Variants in NUDT9 observed in about 807,000 individuals in gnomAD.
NUDT9 encodes the protein ADP-ribose pyrophosphatase.
Under a neutral mutation model 41.0 loss-of-function variants are expected in NUDT9, and 31 were observed. The observed-to-expected ratio is 0.76, with a 90% CI of 0.57 to 1.02. The LOEUF (loss-of-function observed/expected upper bound fraction) is 1.02, where lower values mean the gene tolerates loss of function less well. NUDT9 is among the 50% of genes least tolerant of loss of function. The probability of loss-of-function intolerance (pLI) is 0.00; values close to 1 mark genes in which losing one functional copy is unlikely to be tolerated. For synonymous variants in NUDT9, 146 were observed against 147.6 expected (o/e 0.99, Z 0.08); for missense variants, 380 against 431.4 (o/e 0.88, Z 1.06).
intron 6 of NUDT9, among the ~76,000 whole-genome samples, chr4:87,454,138 C>T (rs963167004): frequency 2.0e-5 from 3 of 152,152 alleles, no homozygotes; most frequent in Non-Finnish European, 4.4e-5. Flanking sequence ...GCTGCGATTA[C>T]AGGCGTGAGC....
At position 87,438,262 on chromosome 4, in the gene NUDT9, G is replaced by C. The variant is rs188685158; in HGVS notation, c.348-15G>C. ...AATCATTATTTCTTATTTTACATTGGTATTCTCATTACAGTGAAAGTAATT... is the reference window on the plus strand; with the variant it reads ...AATCATTATTTCTTATTTTACATTGCTATTCTCATTACAGTGAAAGTAATT... On this transcript the variant is annotated splice_polypyrimidine_tract_variant and intron_variant, in intron 2 of 7. Transcript: ENST00000302174. 2 of 1,370,920 alleles carry C rather than the reference G, an allele frequency of 1.5e-6. 1 individual carries two copies. Among genetic ancestry groups the C allele is most frequent in the Middle Eastern group, 3.6e-4 (2 of 5,606 alleles). The allele number at this position is 1,370,920 out of a possible 1,614,324, so 84.9% of individuals were successfully genotyped here.
intron 3 of NUDT9, among the ~76,000 whole-genome samples, chr4:87,440,994 A>G (rs1388919672): frequency 1.3e-5 from 2 of 152,150 alleles, no homozygotes; most frequent in South Asian, 2.1e-4. Context: ...TTCTGAGTCT[A>G]GTACAAAAAC....
intron 1 of NUDT9, among the ~76,000 whole-genome samples, chr4:87,428,393 AT>A (rs1721528639): frequency 6.6e-6 from 1 of 152,220 alleles, no homozygotes; most frequent in South Asian, 2.1e-4. Flanking sequence ...ACCCAAATGA[AT>A]TGAAAATTTA....
At chr4:87,448,092 A>T (rs969922354) in intron 4 of NUDT9, among the ~76,000 whole-genome samples, 1 of 151,196 alleles carries the variant, frequency 6.6e-6, no homozygotes, top group African/African-American at 2.4e-5. Context: ...AAACTGGGTC[A>T]TATAATCTGC....
chr4:87,447,525 C>A (rs1722513694), intron 4 of NUDT9, among the ~76,000 whole-genome samples: 1 of 147,656 alleles, frequency 6.8e-6, no homozygotes, highest in African/African-American at 2.5e-5. Flanking sequence ...ATCATTAGGA[C>A]AATTCCTAAA....
intron 4 of NUDT9, among the ~76,000 whole-genome samples, chr4:87,443,242 C>T (rs926501073): frequency 4.7e-5 from 7 of 149,646 alleles, no homozygotes; most frequent in East Asian, 2.1e-4. Flanking sequence ...TTATGTGGCA[C>T]GACTATACAC....
intron 1 of NUDT9, among the ~76,000 whole-genome samples, chr4:87,425,736 T>C (rs1578063195): frequency 6.8e-6 from 1 of 147,772 alleles, no homozygotes; most frequent in Non-Finnish European, 1.5e-5. Context: ...AAAAAAGAAT[T>C]TTACCAGTCT....
rs377120681 is a variant in NUDT9 at position 87,457,879 on chromosome 4, A to G, written c.911A>G (p.Asp304Gly). 1.2e-6 allele frequency: 2 copies of G among 1,611,228 alleles called. No individual in the cohort carries two copies. The highest frequency in any genetic ancestry group is 2.7e-5 in the African/African-American group (2 of 74,562). Residue 304 changes from aspartate (D) to glycine (G), a missense_variant, in exon 8 of 8, where the codon GAT becomes GGT. Transcript: ENST00000302174. Reference sequence around the variant, plus strand: ...GATAATCTTATGCTAGAAGCTGGAGATGATGCTGGAAAAGTGAAATGGGTG... The same window carrying G: ...GATAATCTTATGCTAGAAGCTGGAGGTGATGCTGGAAAAGTGAAATGGGTG... Reference protein sequence around the residue: ...IMDNLMLEAGDDAGKVKWVDI... With the variant: ...IMDNLMLEAGGDAGKVKWVDI...
chr4:87,426,365 G>A (rs558508965), intron 1 of NUDT9, among the ~76,000 whole-genome samples: 14 of 152,036 alleles, frequency 9.2e-5, no homozygotes, highest in African/African-American at 2.7e-4. Flanking sequence ...TCTCAATTGT[G>A]TGACCTTGGT....
In NUDT9 at chr4:87,446,589, G is replaced by A. The variant is rs115692764; in HGVS notation, c.531-2553G>A. Among the ~76,000 whole-genome samples, 1,474 of 152,200 alleles carry A rather than the reference G, an allele frequency of 9.7e-3. 35 individuals carry two copies. The highest frequency in any genetic ancestry group is 0.034 in the African/African-American group (1,410 of 41,534). Reference sequence around the variant, plus strand: ...TCTGCTTGTTCAGTTTAAGTAGATAGTATAGTAATTAAGAACACAGATTCT... The same window carrying A: ...TCTGCTTGTTCAGTTTAAGTAGATAATATAGTAATTAAGAACACAGATTCT... On this transcript the variant is annotated intron_variant, in intron 4 of 7. Transcript: ENST00000302174.
intron 1 of NUDT9, among the ~76,000 whole-genome samples, chr4:87,426,361 T>C (rs927241016): frequency 2.0e-5 from 3 of 152,098 alleles, no homozygotes; most frequent in Non-Finnish European, 4.4e-5. Context: ...CTACTCTCAA[T>C]TGTGTGACCT....
At chr4:87,455,643 T>C (rs890126311) in intron 7 of NUDT9, among the ~76,000 whole-genome samples, 2 of 151,004 alleles carry the variant, frequency 1.3e-5, no homozygotes, top group Non-Finnish European at 2.9e-5. Context: ...CTTTTAGTGC[T>C]TTTTTTTCTT....
At chr4:87,437,539 C>T (rs190122265) in intron 2 of NUDT9, among the ~76,000 whole-genome samples, 1,991 of 147,788 alleles carry the variant, frequency 0.013, 96 homozygotes, top group African/African-American at 0.045. Context: ...AGATGGGGTT[C>T]CACCATGTTA....
intron 5 of NUDT9, among the ~76,000 whole-genome samples, chr4:87,449,857 A>G (rs1400593267): frequency 2.0e-5 from 3 of 151,658 alleles, no homozygotes; most frequent in Admixed American, 2.0e-4. Context: ...TTTATTTTTT[A>G]TTTTTTATTT....
chr4:87,434,867 C>T (rs775725853), intron 1 of NUDT9, 114 bp from the exon 2 acceptor site: 10 of 856,088 alleles, frequency 1.2e-5, no homozygotes, highest in Non-Finnish European at 1.8e-5. Context: ...GATCCACCTA[C>T]CTCGGCCTCA....
At chr4:87,456,503 G>T (rs914080427) in intron 7 of NUDT9, among the ~76,000 whole-genome samples, 5 of 152,142 alleles carry the variant, frequency 3.3e-5, no homozygotes, top group Non-Finnish European at 7.4e-5. Flanking sequence ...AAAGGAGAGA[G>T]GATTTTTCTC....
At chr4:87,429,564 C>T (rs993569230) in intron 1 of NUDT9, among the ~76,000 whole-genome samples, 12 of 151,898 alleles carry the variant, frequency 7.9e-5, no homozygotes, top group Non-Finnish European at 1.6e-4. Flanking sequence ...TTTTCCTTCT[C>T]TTTTTTTCCT....
chr4:87,456,109 T>G (rs1282169240), intron 7 of NUDT9, among the ~76,000 whole-genome samples: 1 of 152,222 alleles, frequency 6.6e-6, no homozygotes, highest in Non-Finnish European at 1.5e-5. Context: ...GGCTAAAATT[T>G]CCTCTAGTTT....
intron 1 of NUDT9, among the ~76,000 whole-genome samples, chr4:87,428,274 A>G (rs1270383705): frequency 1.3e-5 from 2 of 152,202 alleles, no homozygotes; most frequent in African/African-American, 2.4e-5. Flanking sequence ...AAAACTGTAG[A>G]CACACAAGAA....
Sources: gnomAD v4.1 joint callset for allele counts (sites outside exome capture counted in the v4.1 genomes callset) on GRCh38, gnomAD v4.1.1 for gene constraint, MANE v1.5 for transcripts, NCBI Gene and HGNC (gene_info 2026-07-23, HGNC 2026-07-21) for gene names.